Variants in MYBPC2 observed in about 807,000 individuals in gnomAD.
MYBPC2 encodes myosin binding protein C2, also known as myosin-binding protein C, fast-type.
MYBPC2 carries 122 observed loss-of-function variants against 137.0 expected under a neutral mutation model. The ratio of observed to expected loss-of-function variants is 0.89; its 90% confidence interval spans 0.77 to 1.03. The LOEUF (loss-of-function observed/expected upper bound fraction) is 1.03. Among genes scored for constraint, MYBPC2 ranks in the 50% least tolerant of loss-of-function variants. The pLI, the probability that MYBPC2 is intolerant of heterozygous loss-of-function variation, is 0.00. For synonymous variants in MYBPC2, 626 were observed against 612.3 expected, an observed-to-expected ratio of 1.02 and a Z score of -0.33; for missense variants, 1,500 against 1,534.4, an observed-to-expected ratio of 0.98 and a Z score of 0.37.
At position 50,460,066 on chromosome 19, in the gene MYBPC2, A is replaced by G. The variant is rs1340594321; in HGVS notation, c.2818A>G (p.Met940Val). Residue 940 changes from methionine (M) to valine (V), a missense_variant, in exon 24 of 28, where the codon ATG (methionine) becomes GTG (valine). Transcript: ENST00000357701. ...AAAGGCTGGGCCCCCCATAAACGTG[A>G]TGGTGAAGGAGGTGTGGGGCACGAA... is the stretch of plus-strand genomic sequence containing the variant. Reference protein sequence around the residue: ...VEKAGPPINVMVKEVWGTNAL... With the variant: ...VEKAGPPINVVVKEVWGTNAL... The G allele has an allele frequency of 2.6e-6, 4 of 1,557,908 alleles. No individual in the cohort carries two copies. Among genetic ancestry groups the G allele is most frequent in the Non-Finnish European group, 3.5e-6 (4 of 1,151,052 alleles).
chr19:50,464,740 A>C (rs2040000027), intron 27 of MYBPC2, among the ~76,000 whole-genome samples: 1 of 152,112 alleles, frequency 6.6e-6, no homozygotes, highest in Non-Finnish European at 1.5e-5. Context: ...CTTGGGAAGG[A>C]GTCAGATTTT....
At chr19:50,454,423 T>G (rs964588115) in intron 18 of MYBPC2, 54 bp downstream of exon 18, 56 of 500,516 alleles carry the variant, frequency 1.1e-4, no homozygotes, top group Non-Finnish European at 1.3e-4. Flanking sequence ...GCCTTCTGTT[T>G]TTTTTTTTTT....
Position 50,442,234 on chromosome 19 carries a change from A to G in MYBPC2, c.823A>G (p.Lys275Glu). The change falls in exon 9 of 28, where the codon AAG (lysine) becomes GAG (glutamate). Residue 275 changes from lysine (K) to glutamate (E), a missense_variant. Transcript: ENST00000357701. ...AYQVDRGNKI[K>E]LMVEISDPDL... ...CCAAGTGGACAGAGGCAACAAGATC[A>G]AGTTGATGGTAGAGATCAGCGACCC... is the stretch of plus-strand genomic sequence containing the variant. 2 of 1,604,110 alleles carry G rather than the reference A, an allele frequency of 1.2e-6. No individual in the cohort carries two copies. The highest frequency in any genetic ancestry group is 1.7e-6 in the Non-Finnish European group (2 of 1,175,482).
At chr19:50,440,188 C>A (rs1601282704) in intron 7 of MYBPC2, among the ~76,000 whole-genome samples, 1 of 151,902 alleles carries the variant, frequency 6.6e-6, no homozygotes, top group South Asian at 2.1e-4. Context: ...AGAAATACCC[C>A]ACAGGATAAA....
intron 16 of MYBPC2, 31 bp downstream of exon 16, chr19:50,452,034 C>T: frequency 1.3e-6 from 2 of 1,545,876 alleles, no homozygotes; most frequent in Non-Finnish European, 1.8e-6. Context: ...TGTCCTCACT[C>T]CCTTTCCGTT....
rs1230521494 is a variant in MYBPC2 at position 50,441,025 on chromosome 19, G to C, written c.718G>C (p.Gly240Arg). The C allele has an allele frequency of 3.2e-5, 52 of 1,609,408 alleles. No homozygotes were observed. Among genetic ancestry groups the C allele is most frequent in the Non-Finnish European group, 4.0e-5 (47 of 1,177,946 alleles). ...CCAGTATGGCATCACCGACCTCCGG[G>C]GCATGCTGAAGCGGCTGAAAAAGGC... ...AFQYGITDLR[G>R]MLKRLKKAKV... Residue 240 changes from glycine to arginine, a missense_variant, in exon 8 of 28, where the codon GGC becomes CGC. Physicochemically the swap from Gly to Arg is moderately radical, Grantham distance 125. Transcript: ENST00000357701.
At chr19:50,464,649 T>C in intron 27 of MYBPC2, 117 bp downstream of exon 27, 1 of 1,175,020 alleles carries the variant, frequency 8.5e-7, no homozygotes, top group Non-Finnish European at 1.1e-6. Context: ...ACCAGCCCTC[T>C]GGGAGGAGGA....
At chr19:50,453,686 A>G (rs2039880762) in intron 16 of MYBPC2, among the ~76,000 whole-genome samples, 1 of 151,888 alleles carries the variant, frequency 6.6e-6, no homozygotes, top group African/African-American at 2.4e-5. Context: ...GATTACAGGC[A>G]TGCACCACCA....
intron 7 of MYBPC2, among the ~76,000 whole-genome samples, chr19:50,438,696 A>G (rs2039725390): frequency 6.6e-6 from 1 of 151,714 alleles, no homozygotes; most frequent in Non-Finnish European, 1.5e-5. Context: ...GGAGACCCTG[A>G]CTCTACAAAA....
Position 50,454,046 on chromosome 19 carries a change from C to T in MYBPC2, c.1776C>T (p.Thr592=). 3 of 1,606,826 alleles carry T rather than the reference C, an allele frequency of 1.9e-6. 1 individual carries two copies. The highest frequency in any genetic ancestry group is 1.3e-5 in the African/African-American group (1 of 74,864). ...DEVFTTTEGR[T]RIEKRVDCSS... ...TATTCACGACCACCGAGGGCAGGACCCGCATCGAGAAGCGGGTGGACTGCA... is the reference window on the plus strand; with the variant it reads ...TATTCACGACCACCGAGGGCAGGACTCGCATCGAGAAGCGGGTGGACTGCA... Residue 592 remains threonine (T), a synonymous_variant, in exon 17 of 28, where the codon ACC becomes ACT. Coordinates refer to ENST00000357701, the MANE Select transcript of MYBPC2 (RefSeq NM_004533.4).
At chr19:50,454,729 C>G (rs542618261) in intron 18 of MYBPC2, among the ~76,000 whole-genome samples, 1 of 151,990 alleles carries the variant, frequency 6.6e-6, no homozygotes, top group African/African-American at 2.4e-5. Context: ...CCAGCCTCTG[C>G]CTTCTCCTTG....
At chr19:50,434,787 G>A (rs936403685) in intron 1 of MYBPC2, among the ~76,000 whole-genome samples, 10 of 152,194 alleles carry the variant, frequency 6.6e-5, no homozygotes, top group African/African-American at 2.4e-4. Context: ...GCAGGGCAGG[G>A]GAAGGATGCT....
intron 16 of MYBPC2, among the ~76,000 whole-genome samples, chr19:50,453,257 T>A (rs2039877273): frequency 6.6e-6 from 1 of 152,180 alleles, no homozygotes; most frequent in Non-Finnish European, 1.5e-5. Context: ...CCCTGCTCAG[T>A]AGCCTTTACT....
At position 50,461,900 on chromosome 19, in the gene MYBPC2, G is replaced by A. The variant is rs569496991; in HGVS notation, c.3092G>A (p.Gly1031Glu). The change falls in exon 26 of 28, where the codon GGA becomes GAA. Residue 1031 changes from glycine to glutamate, a missense_variant and splice_region_variant. Gly to Glu is a moderately conservative substitution (Grantham distance 98). Coordinates refer to ENST00000357701, the MANE Select transcript of MYBPC2 (RefSeq NM_004533.4). ...TTACGGGTGCATCCTCTCTCCCCAG[G>A]AATCACCTTCAAACCGTTCGAGTAT... ...SKNTARILKT[G>E]ITFKPFEYKE... 5.6e-6 allele frequency: 9 copies of A among 1,595,822 alleles called. No homozygotes were observed. In the South Asian group the frequency reaches 8.0e-5, roughly 14 times the overall value.
Position 50,451,914 on chromosome 19 carries a change from A to G in MYBPC2, c.1660A>G (p.Ile554Val). 2 of 1,584,850 alleles carry G rather than the reference A, an allele frequency of 1.3e-6. No individual in the cohort carries two copies. Among genetic ancestry groups the G allele is most frequent in the Non-Finnish European group, 1.7e-6 (2 of 1,164,894 alleles). Residue 554 changes from isoleucine to valine, a missense_variant, in exon 16 of 28, where the codon ATT (isoleucine) becomes GTT (valine). Ile to Val is a conservative substitution (Grantham distance 29, BLOSUM62 3). Coordinates refer to ENST00000357701, the MANE Select transcript of MYBPC2 (RefSeq NM_004533.4). ...CTCGGGGAAGACCTCAGAGAATGCG[A>G]TTGTGGTTGTGGCTGGAAACAAGCT... is the stretch of plus-strand genomic sequence containing the variant. Reference protein sequence around the residue: ...DCSGKTSENAIVVVAGNKLRL... With the variant: ...DCSGKTSENAVVVVAGNKLRL...
intron 4 of MYBPC2, 45 bp downstream of exon 4, chr19:50,436,205 T>G: frequency 6.4e-7 from 1 of 1,555,402 alleles, no homozygotes; most frequent in Non-Finnish European, 8.7e-7. Flanking sequence ...GGAGTGGAGC[T>G]TGTGCAGGAC....
At position 50,436,121 on chromosome 19, in the gene MYBPC2, C is replaced by T; in HGVS notation, c.306C>T (p.Ala102=). 1.3e-6 allele frequency: 2 copies of T among 1,581,396 alleles called. No individual in the cohort carries two copies. Among genetic ancestry groups the T allele is most frequent in the Non-Finnish European group, 1.7e-6 (2 of 1,164,224 alleles). The stretch of plus-strand genomic sequence containing the variant: ...TGGAGCTGGGCAGCAAGAGTGGCGC[C>T]CGCTTCTCCTTCAAGGAGTCCCACA... The part of the protein sequence containing the change: ...KWLELGSKSG[A]RFSFKESHNS... The change falls in exon 4 of 28, where the codon GCC becomes GCT. Residue 102 remains alanine (A), a synonymous_variant. Coordinates refer to ENST00000357701, the MANE Select transcript of MYBPC2 (RefSeq NM_004533.4).
chr19:50,459,839 G>C (rs2039954850), intron 23 of MYBPC2, among the ~76,000 whole-genome samples: 1 of 150,672 alleles, frequency 6.6e-6, no homozygotes, highest in Non-Finnish European at 1.5e-5. Flanking sequence ...ATGGGGGTGA[G>C]GAGAGGAGGT....
intron 13 of MYBPC2, among the ~76,000 whole-genome samples, chr19:50,449,263 C>T (rs144086148): frequency 6.6e-6 from 1 of 152,250 alleles, no homozygotes; most frequent in East Asian, 1.9e-4. Flanking sequence ...CCAGGATGGC[C>T]TCGTTCTTAC....
Sources: allele counts gnomAD v4.1 joint callset (sites outside exome capture counted in the v4.1 genomes callset), GRCh38; gene constraint gnomAD v4.1.1; transcripts MANE v1.5; gene names NCBI Gene and HGNC (gene_info 2026-07-23, HGNC 2026-07-21).